TRIM50: variants seen among roughly 807,000 people sequenced by gnomAD.
TRIM50 encodes the protein tripartite motif containing 50, also known as E3 ubiquitin-protein ligase TRIM50.
Under a neutral mutation model 44.9 loss-of-function variants are expected in TRIM50, and 34 were observed. The ratio of observed to expected loss-of-function variants is 0.76; its 90% CI spans 0.58 to 1.01. The LOEUF (loss-of-function observed/expected upper bound fraction) is 1.01. TRIM50 is among the 50% of genes least tolerant of loss of function. The pLI, the probability that TRIM50 is intolerant of heterozygous loss-of-function variation, is 0.00. For synonymous variants in TRIM50, 307 were observed against 291.1 expected, an observed-to-expected ratio of 1.05 and a Z score of -0.56; for missense variants, 633 against 663.7, an observed-to-expected ratio of 0.95 and a Z score of 0.51.
intron 2 of TRIM50, among the ~76,000 whole-genome samples, chr7:73,321,240 T>A (rs1804489186): frequency 6.6e-6 from 1 of 152,054 alleles, no homozygotes; most frequent in South Asian, 2.1e-4. Flanking sequence ...ATGTCACCCC[T>A]CTGCATGACA....
chr7:73,326,170 G>A (rs1452387855), intron 1 of TRIM50, among the ~76,000 whole-genome samples: 9 of 152,212 alleles, frequency 5.9e-5, no homozygotes, highest in African/African-American at 1.7e-4. Flanking sequence ...GATTACAGGC[G>A]TGAGCCTTAC....
intron 5 of TRIM50, among the ~76,000 whole-genome samples, chr7:73,318,407 G>A (rs1344449238): frequency 2.0e-5 from 3 of 152,208 alleles, no homozygotes; most frequent in African/African-American, 7.2e-5. Context: ...AAAGTACTGG[G>A]ATTGCAGGCA....
rs781923350 is a variant in TRIM50 at position 73,318,833 on chromosome 7, TGTG to T, written c.712_714del (p.His238del). 1.9e-6 allele frequency: 3 copies of T among 1,613,616 alleles called. No individual in the cohort carries two copies. Among genetic ancestry groups the T allele is most frequent in the Non-Finnish European group, 2.5e-6 (3 of 1,179,666 alleles). ...CCCTGTCCACTCACCCGGATGAACT[TGTG>T]GTGGTCCTCATTGCCGAACTGTTCC... On this transcript the variant is annotated inframe_deletion, in exon 4 of 7. Coordinates refer to ENST00000333149, the MANE Select transcript of TRIM50 (RefSeq NM_178125.3).
intron 2 of TRIM50, among the ~76,000 whole-genome samples, chr7:73,322,314 G>A (rs1583783245): frequency 1.3e-5 from 2 of 152,176 alleles, no homozygotes; most frequent in Admixed American, 6.5e-5. Context: ...GCACCACTGC[G>A]CTCCAGCCTG....
chr7:73,324,352 G>A (rs1380076980), intron 2 of TRIM50, 37 bp downstream of exon 2: 127 of 1,613,648 alleles, frequency 7.9e-5, no homozygotes, highest in Non-Finnish European at 9.6e-5. Context: ...TGGTCCCCGC[G>A]GGCCTCTCCA....
Position 73,324,716 on chromosome 7 carries a change from C to T in TRIM50, c.72G>A (p.Lys24=). ...LQCPICLEVF[K]EPLMLQCGHS... is the part of the protein sequence containing the mutation. ...GGCCACACTGCAGCATCAGGGGCTC[C>T]TTGAAGACCTCCAGGCAGATGGGAC... Residue 24 remains lysine (K), a synonymous_variant, in exon 2 of 7, where the codon AAG becomes AAA. Transcript: ENST00000333149. 1 of 1,614,192 alleles carries T rather than the reference C, an allele frequency of 6.2e-7. No homozygotes were observed.
chr7:73,316,466 C>G lies in TRIM50; in HGVS notation c.874+99G>C, dbSNP rs543301407. 784 of 1,507,616 alleles carry G rather than the reference C, an allele frequency of 5.2e-4. 2 individuals are homozygous for G. The highest frequency in any genetic ancestry group is 4.0e-4 in the Non-Finnish European group (450 of 1,123,282). 93.4% of individuals were successfully genotyped at this position (1,507,616 alleles called of 1,614,324 possible). Reference sequence around the variant, plus strand: ...ACTAGGACCCTCCACAAACCTCCATCTGAGTTCTCTGTAGCTTATTATCTC... The same window carrying G: ...ACTAGGACCCTCCACAAACCTCCATGTGAGTTCTCTGTAGCTTATTATCTC... On this transcript the variant is annotated intron_variant, in intron 6 of 6. Transcript: ENST00000333149.
intron 5 of TRIM50, among the ~76,000 whole-genome samples, chr7:73,317,217 C>A (rs1442308885): frequency 6.6e-6 from 1 of 151,976 alleles, no homozygotes. Flanking sequence ...CCATGCCCAG[C>A]TAATTTTTTT....
At chr7:73,324,327 A>G (rs2115773871) in intron 2 of TRIM50, 62 bp downstream of exon 2, 1 of 1,611,628 alleles carries the variant, frequency 6.2e-7, no homozygotes, top group South Asian at 1.1e-5. Flanking sequence ...TGATGGCACC[A>G]GAGAGCACAG....
intron 2 of TRIM50, among the ~76,000 whole-genome samples, chr7:73,323,489 A>G (rs1554545359): frequency 6.6e-6 from 1 of 152,200 alleles, no homozygotes. Context: ...TGCTGTTATT[A>G]TAGGCATAAG....
At chr7:73,314,989 T>C in intron 6 of TRIM50, 1 of 344,120 alleles carries the variant, frequency 2.9e-6, no homozygotes. Context: ...AAGACTGGGA[T>C]GTCTAGTCCC....
At chr7:73,322,328 G>A (rs112475552) in intron 2 of TRIM50, among the ~76,000 whole-genome samples, 1 of 152,218 alleles carries the variant, frequency 6.6e-6, no homozygotes, top group African/African-American at 2.4e-5. Context: ...CAGCCTGGGC[G>A]ACAGAGCGAG....
chr7:73,324,365 C>T (rs782502757), intron 2 of TRIM50, 24 bp downstream of exon 2: 30 of 1,613,784 alleles, frequency 1.9e-5, no homozygotes, highest in African/African-American at 2.7e-5. Context: ...CCTCTCCAGC[C>T]GCCCCTGCAC....
intron 3 of TRIM50, 90 bp downstream of exon 3, chr7:73,320,057 G>A: frequency 6.2e-7 from 1 of 1,605,420 alleles, no homozygotes; most frequent in Non-Finnish European, 8.5e-7. Flanking sequence ...TGGAAGGCAT[G>A]GTTTTCTGTA....
chr7:73,314,973 G>A (rs1804323090), intron 6 of TRIM50: 2 of 324,390 alleles, frequency 6.2e-6, no homozygotes, highest in South Asian at 3.0e-5. Context: ...TCATCAAGGG[G>A]AAGGCAAGAC....
rs568335787 is a variant in TRIM50, at chr7:73,318,852, G to T, written c.696C>A (p.Phe232Leu). ...TGAACTTGTGGTGGTCCTCATTGCC[G>T]AACTGTTCCAGCACACACTCGGCTT... Reference protein sequence around the residue: ...LAQAECVLEQFGNEDHHKFIR... With the variant: ...LAQAECVLEQLGNEDHHKFIR... The change falls in exon 4 of 7, where the codon TTC (phenylalanine) becomes TTA (leucine). Residue 232 changes from phenylalanine to leucine, a missense_variant. Physicochemically the swap from Phe to Leu is conservative, Grantham distance 22 (BLOSUM62 0). Transcript: ENST00000333149. The T allele has an allele frequency of 6.2e-7, 1 of 1,613,924 alleles. No individual in the cohort carries two copies. Among genetic ancestry groups the T allele is most frequent in the East Asian group, 2.2e-5 (1 of 44,866 alleles).
At chr7:73,319,132 G>T in intron 3 of TRIM50, 80 bp from the exon 4 acceptor site, 1 of 1,608,108 alleles carries the variant, frequency 6.2e-7, no homozygotes, top group Non-Finnish European at 8.5e-7. Flanking sequence ...TGTCCCCAGG[G>T]CCTTCCTGAC....
At chr7:73,327,652 G>T (rs1366272453) in intron 1 of TRIM50, among the ~76,000 whole-genome samples, 1 of 152,228 alleles carries the variant, frequency 6.6e-6, no homozygotes, top group Admixed American at 6.5e-5. Flanking sequence ...GCAATCACAT[G>T]CTGCATCCTT....
At position 73,324,584 on chromosome 7, in the gene TRIM50, G is replaced by T. The variant is rs150661581; in HGVS notation, c.204C>A (p.Asn68Lys). ...QAVDGSSSLP[N>K]VSLARVIEAL... ...CTTCGATCACCCTGGCCAGGGAGAC[G>T]TTGGGCAGGGAGCTGCTGCCGTCCA... The change falls in exon 2 of 7, where the codon AAC becomes AAA. Residue 68 changes from asparagine to lysine, a missense_variant. By Grantham distance (94) the Asn-to-Lys change is moderately conservative (BLOSUM62 0). Coordinates refer to ENST00000333149, the MANE Select transcript of TRIM50 (RefSeq NM_178125.3). 2.5e-6 allele frequency: 4 copies of T among 1,614,148 alleles called. No homozygotes were observed. Among genetic ancestry groups the T allele is most frequent in the Non-Finnish European group, 3.4e-6 (4 of 1,180,010 alleles).
Sources: allele counts gnomAD v4.1 joint callset (sites outside exome capture counted in the v4.1 genomes callset), GRCh38; gene constraint gnomAD v4.1.1; transcripts MANE v1.5; gene names NCBI Gene and HGNC (gene_info 2026-07-23, HGNC 2026-07-21).